RALGPS2: variants seen among roughly 807,000 people sequenced by gnomAD.
RALGPS2 encodes Ral GEF with PH domain and SH3 binding motif 2, also known as ras-specific guanine nucleotide-releasing factor RalGPS2.
In RALGPS2, 43 loss-of-function variants were observed where a neutral mutation model predicts 86.8. That is an observed-to-expected ratio of 0.50 (90% CI 0.39 to 0.64). RALGPS2 has a LOEUF of 0.64. Ranked by LOEUF, RALGPS2 falls within the 30% of genes least tolerant of loss-of-function variation. The pLI is 0.00. For missense variants in RALGPS2, 536 were observed against 694.6 expected (o/e 0.77, Z 2.57); for synonymous variants, 243 against 231.3 (o/e 1.05, Z -0.46).
At chr1:178,817,451 AC>A (rs1655287422) in intron 6 of RALGPS2, among the ~76,000 whole-genome samples, 1 of 151,282 alleles carries the variant, frequency 6.6e-6, no homozygotes, top group Non-Finnish European at 1.5e-5. Context: ...TTGATCAAAT[AC>A]GTGTAGGTAT....
At chr1:178,909,639 T>C (rs912235043) in intron 19 of RALGPS2, among the ~76,000 whole-genome samples, 4 of 146,202 alleles carry the variant, frequency 2.7e-5, no homozygotes, top group Admixed American at 2.0e-4. Context: ...CTTTTTCTTT[T>C]TTAATTTTTT....
chr1:178,735,806 A>G (rs555024294), intron 1 of RALGPS2, among the ~76,000 whole-genome samples: 1 of 152,164 alleles, frequency 6.6e-6, no homozygotes, highest in South Asian at 2.1e-4. Context: ...AAGTATTTGT[A>G]TATTTCTGGG....
At chr1:178,876,559 AT>A (rs1252190338) in intron 8 of RALGPS2, among the ~76,000 whole-genome samples, 1 of 152,214 alleles carries the variant, frequency 6.6e-6, no homozygotes, top group African/African-American at 2.4e-5. Context: ...TCCAGAAAAC[AT>A]TTTAGGTATA....
chr1:178,823,621 T>C (rs1032346348), intron 7 of RALGPS2, among the ~76,000 whole-genome samples: 9 of 152,156 alleles, frequency 5.9e-5, no homozygotes, highest in African/African-American at 2.2e-4. Context: ...AAGGCCCAGA[T>C]ACATTCAAAT....
At chr1:178,902,037 T>C in intron 17 of RALGPS2, 69 bp from the exon 18 acceptor site, 1 of 1,153,228 alleles carries the variant, frequency 8.7e-7, no homozygotes, top group Non-Finnish European at 1.3e-6. Context: ...ATACACTCCC[T>C]AACACTGAAG....
Position 178,823,884 on chromosome 1 carries a change from G to A in RALGPS2, c.480+2180G>A, listed in dbSNP as rs559438549. 2.0e-5 allele frequency among the ~76,000 whole-genome samples: 3 copies of A among 152,276 alleles called. No homozygotes were observed. The South Asian group carries it at 6.2e-4, about 32-fold the overall frequency. ...TTAAGGGAGTGGTTGGGGCTAGAGA[G>A]AGATTGTTATAATCATCAATGTAAA... On this transcript the variant is annotated intron_variant, in intron 7 of 19. Coordinates refer to ENST00000367635, the MANE Select transcript of RALGPS2 (RefSeq NM_152663.5).
intron 4 of RALGPS2, among the ~76,000 whole-genome samples, chr1:178,806,429 G>A (rs1207943538): frequency 6.6e-6 from 1 of 151,928 alleles, no homozygotes; most frequent in African/African-American, 2.4e-5. Context: ...TTTTGTTTTT[G>A]AATCTCTGAT....
intron 4 of RALGPS2, among the ~76,000 whole-genome samples, chr1:178,797,619 T>A (rs1384202082): frequency 6.6e-6 from 1 of 152,166 alleles, no homozygotes; most frequent in Non-Finnish European, 1.5e-5. Context: ...CCCATTTACT[T>A]ACTCTTCATT....
At chr1:178,859,483 A>C (rs1036897743) in intron 8 of RALGPS2, among the ~76,000 whole-genome samples, 57 of 143,598 alleles carry the variant, frequency 4.0e-4, no homozygotes, top group Non-Finnish European at 7.6e-4. Context: ...GGCTCACTGC[A>C]ACCTCCGCCT....
chr1:178,806,674 G>A (rs73037792), intron 4 of RALGPS2, among the ~76,000 whole-genome samples: 8,747 of 151,938 alleles, frequency 0.058, 861 homozygotes, highest in African/African-American at 0.2. Context: ...TTTTTGCTTA[G>A]TGGGTACAAT....
At chr1:178,795,179 C>CA (rs112878630) in intron 4 of RALGPS2, among the ~76,000 whole-genome samples, 8,424 of 121,988 alleles carry the variant, frequency 0.069, 799 homozygotes, top group African/African-American at 0.23. Context: ...GACTCTGTCT[C>CA]AAAAAAAAAA....
intron 4 of RALGPS2, among the ~76,000 whole-genome samples, chr1:178,788,305 C>G (rs1653768941): frequency 6.6e-6 from 1 of 152,130 alleles, no homozygotes; most frequent in Non-Finnish European, 1.5e-5. Flanking sequence ...TATTGTATGC[C>G]TATTTTATGC....
chr1:178,896,319 T>C (rs552875176), intron 16 of RALGPS2, among the ~76,000 whole-genome samples: 28 of 151,982 alleles, frequency 1.8e-4, no homozygotes, highest in South Asian at 4.1e-4. Context: ...AGAAATTGGT[T>C]GGTGTCTGGG....
chr1:178,899,645 TGG>T (rs1491528694), intron 17 of RALGPS2, among the ~76,000 whole-genome samples: 21 of 143,534 alleles, frequency 1.5e-4, no homozygotes, highest in African/African-American at 4.0e-4. Context: ...GTTTTGGTTT[TGG>T]TTTTGGTTTT....
At chr1:178,865,205 A>G in intron 8 of RALGPS2, 1 of 1,614,002 alleles carries the variant, frequency 6.2e-7, no homozygotes, top group Non-Finnish European at 8.5e-7. Flanking sequence ...AGTGATCATC[A>G]CAGATTGGTT....
intron 1 of RALGPS2, among the ~76,000 whole-genome samples, chr1:178,761,117 G>A (rs563484982): frequency 2.4e-4 from 36 of 151,946 alleles, no homozygotes; most frequent in African/African-American, 8.2e-4. Context: ...TGACATTACA[G>A]GTATGTGCCA....
In RALGPS2 at chr1:178,856,810, C is replaced by A. The variant is rs375949223; in HGVS notation, c.608-20688C>A. ...ATCAAAGATGAATGTACAGTCATTT[C>A]TACTGCAGATAAATATTACTGAAAA... is the stretch of plus-strand genomic sequence containing the variant. On this transcript the variant is annotated intron_variant, in intron 8 of 19. Transcript: ENST00000367635. 7.9e-4 allele frequency among the ~76,000 whole-genome samples: 120 copies of A among 152,160 alleles called. 1 individual carries two copies. Among genetic ancestry groups the A allele is most frequent in the Non-Finnish European group, 1.4e-3 (93 of 68,000 alleles).
chr1:178,753,837 G>GT (rs958765277), intron 1 of RALGPS2: 146 of 145,202 alleles, frequency 1.0e-3, no homozygotes, highest in East Asian at 9.9e-4. Context: ...CAGGTTGAAG[G>GT]TTTTTTTTTT....
intron 5 of RALGPS2, among the ~76,000 whole-genome samples, chr1:178,810,617 G>T (rs17361747): frequency 0.24 from 35,910 of 150,988 alleles, 4,986 homozygotes; most frequent in Non-Finnish European, 0.32. Flanking sequence ...CAAGTATTAA[G>T]GTGACTTTGT....
Sources: gnomAD v4.1 joint callset for allele counts (sites outside exome capture counted in the v4.1 genomes callset) on GRCh38, gnomAD v4.1.1 for gene constraint, MANE v1.5 for transcripts, NCBI Gene and HGNC (gene_info 2026-07-23, HGNC 2026-07-21) for gene names.